The following ALG13 variants were observed in gnomAD, a reference collection of about 807,000 sequenced individuals.
The protein encoded by ALG13 is ALG13 UDP-N-acetylglucosaminyltransferase subunit.
Under a neutral mutation model 87.8 loss-of-function variants are expected in ALG13, and 11 were observed. That is an observed-to-expected ratio of 0.13 (90% CI 0.08 to 0.21). The LOEUF (loss-of-function observed/expected upper bound fraction) is 0.21, where lower values mean the gene tolerates loss of function less well. Ranked by LOEUF, ALG13 falls within the 10% of genes least tolerant of loss-of-function variation. ALG13 has a pLI of 1.00. For synonymous variants in ALG13, 320 were observed against 306.3 expected (o/e 1.04, Z -0.47); for missense variants, 756 against 866.1 (o/e 0.87, Z 1.60).
intron 4 of ALG13, among the ~76,000 whole-genome samples, 166 bp from the exon 5 acceptor site, chrX:111,708,799 C>T (rs966926212): frequency 9.0e-6 from 1 of 111,624 alleles, no homozygotes; most frequent in Non-Finnish European, 1.9e-5. Context: ...TCCCCCATTT[C>T]GTTGAAGATG....
chrX:111,740,106 A>G (rs1286477730), intron 23 of ALG13, among the ~76,000 whole-genome samples: 2 of 111,592 alleles, frequency 1.8e-5, no homozygotes, highest in African/African-American at 6.5e-5. Flanking sequence ...TTGAGACTAT[A>G]CTATGTAATA....
At chrX:111,724,825 A>G (rs1941796257) in intron 14 of ALG13, 109 bp from the exon 15 acceptor site, 2 of 848,711 alleles carry the variant, frequency 2.4e-6, no homozygotes, top group Non-Finnish European at 3.3e-6. Flanking sequence ...ACTGGTGTCA[A>G]CCAGGTTTTA....
Position 111,744,825 on chromosome X carries a change from G to T in ALG13, c.2853G>T (p.Glu951Asp), listed in dbSNP as rs755910935. 3.1e-5 allele frequency: 37 copies of T among 1,183,808 alleles called. No individual in the cohort carries two copies. Among genetic ancestry groups the T allele is most frequent in the Non-Finnish European group, 4.2e-5 (37 of 883,622 alleles). The change falls in exon 24 of 27, where the codon GAG (glutamate) becomes GAT (aspartate). Residue 951 changes from glutamate (E) to aspartate (D), a missense_variant. Around this residue, in one of 9 missense-constraint regions of ALG13, gnomAD observed 362 missense variants for 383.5 expected, o/e 0.94. Transcript: ENST00000394780. ...PPPPPALDVG[E>D]TSNLQPPPPL... ...CTCCTCCTGCTCTTGATGTGGGAGA[G>T]ACTTCAAACTTACAACCACCACCAC...
At chrX:111,710,476 T>C (rs1002919747) in intron 5 of ALG13, among the ~76,000 whole-genome samples, 5 of 111,518 alleles carry the variant, frequency 4.5e-5, no homozygotes, top group Non-Finnish European at 9.4e-5. Flanking sequence ...CCAGACCCCA[T>C]GCAAAGTTTA....
At chrX:111,707,669 G>A (rs914891006) in intron 3 of ALG13, among the ~76,000 whole-genome samples, 1 of 111,891 alleles carries the variant, frequency 8.9e-6, no homozygotes, top group African/African-American at 3.2e-5. Context: ...TATGAAAGGA[G>A]CAGGGAATTT....
At chrX:111,755,608 G>A (rs1314988021) in intron 25 of ALG13, among the ~76,000 whole-genome samples, 1 of 112,347 alleles carries the variant, frequency 8.9e-6, no homozygotes, top group Non-Finnish European at 1.9e-5. Context: ...TCAAAAAGTG[G>A]GCAAAGAATA....
intron 3 of ALG13, among the ~76,000 whole-genome samples, chrX:111,698,667 T>C (rs752286267): frequency 8.9e-6 from 1 of 112,192 alleles, no homozygotes; most frequent in African/African-American, 3.2e-5. Flanking sequence ...TCTAGGTTCA[T>C]CTATGTTGTC....
At chrX:111,702,458 T>G (rs1015484217) in intron 3 of ALG13, among the ~76,000 whole-genome samples, 2 of 111,975 alleles carry the variant, frequency 1.8e-5, no homozygotes, top group African/African-American at 6.5e-5. Flanking sequence ...TGTAAAACTT[T>G]GTTTTATCTC....
At chrX:111,696,455 T>C (rs185488173) in intron 3 of ALG13, among the ~76,000 whole-genome samples, 1 of 111,717 alleles carries the variant, frequency 9.0e-6, no homozygotes, top group African/African-American at 3.2e-5. Context: ...TGATACCATA[T>C]TGCCTCTCAG....
chrX:111,745,076 A>G (rs1326941067), intron 24 of ALG13, among the ~76,000 whole-genome samples, 172 bp downstream of exon 24: 1 of 111,197 alleles, frequency 9.0e-6, no homozygotes, highest in Non-Finnish European at 1.9e-5. Context: ...AAAACTGAGA[A>G]TATCTTCTAC....
chrX:111,729,538 C>G (rs1399944059), intron 19 of ALG13, among the ~76,000 whole-genome samples: 4 of 111,691 alleles, frequency 3.6e-5, no homozygotes, highest in Non-Finnish European at 7.5e-5. Context: ...ACCCTTTTGT[C>G]TTTTAGCTCT....
chrX:111,722,014 A>C (rs746886020), intron 12 of ALG13, among the ~76,000 whole-genome samples: 3 of 111,753 alleles, frequency 2.7e-5, no homozygotes, highest in Non-Finnish European at 5.6e-5. Flanking sequence ...CCAGGTGTTA[A>C]GACCACCTTC....
At chrX:111,693,164 CTTTTTTTTTTTT>C (rs61239915) in intron 3 of ALG13, among the ~76,000 whole-genome samples, 2 of 55,113 alleles carry the variant, frequency 3.6e-5, no homozygotes, top group East Asian at 6.1e-4. Context: ...GTTTTTAATT[CTTTTTTTTTTTT>C]TTTTTTTTTT....
intron 24 of ALG13, among the ~76,000 whole-genome samples, chrX:111,752,197 T>C (rs779353549): frequency 8.9e-6 from 1 of 111,770 alleles, no homozygotes; most frequent in Admixed American, 9.5e-5. Flanking sequence ...AAAATGCCTT[T>C]ATTGGATTCT....
In ALG13 at chrX:111,728,583, A is replaced by G. The variant is rs370727259; in HGVS notation, c.2368+278A>G. Among the ~76,000 whole-genome samples, 10 of 111,733 alleles carry G rather than the reference A, an allele frequency of 8.9e-5. No individual in the cohort carries two copies. In the South Asian group the frequency reaches 3.4e-3, roughly 38 times the overall value. On this transcript the variant is annotated intron_variant, in intron 19 of 26. Transcript: ENST00000394780. Reference sequence around the variant, plus strand: ...GAGTTTTGACTTGGTGTCAGATATCAGTATGGAAAACATCTATTCGTTGTT... The same window carrying G: ...GAGTTTTGACTTGGTGTCAGATATCGGTATGGAAAACATCTATTCGTTGTT...
At chrX:111,712,795 A>G (rs1018445601) in intron 7 of ALG13, among the ~76,000 whole-genome samples, 1 of 112,101 alleles carries the variant, frequency 8.9e-6, no homozygotes, top group African/African-American at 3.2e-5. Flanking sequence ...TCACTTACGC[A>G]TTGTCTGTGG....
chrX:111,750,615 T>A (rs1448030031), intron 24 of ALG13, among the ~76,000 whole-genome samples: 2 of 111,234 alleles, frequency 1.8e-5, no homozygotes, highest in Non-Finnish European at 3.8e-5. Flanking sequence ...AGCATTTTTT[T>A]AGCAGTATTG....
At chrX:111,725,309 A>G (rs962545478) in intron 15 of ALG13, among the ~76,000 whole-genome samples, 1 of 111,993 alleles carries the variant, frequency 8.9e-6, no homozygotes, top group Non-Finnish European at 1.9e-5. Context: ...GACATTGCCA[A>G]ATATTCCCTA....
intron 21 of ALG13, among the ~76,000 whole-genome samples, chrX:111,731,841 A>G (rs184614748): frequency 8.9e-6 from 1 of 112,041 alleles, no homozygotes; most frequent in Non-Finnish European, 1.9e-5. Context: ...TTTATCAGGC[A>G]CTGATGGAAG....
Sources: allele counts gnomAD v4.1 joint callset (sites outside exome capture counted in the v4.1 genomes callset), GRCh38; gene constraint gnomAD v4.1.1; regional missense constraint gnomAD v4.1.1; transcripts MANE v1.5; gene names NCBI Gene and HGNC (gene_info 2026-07-23, HGNC 2026-07-21).